LRPAP1: variants seen among roughly 807,000 people sequenced by gnomAD.
LRPAP1 encodes alpha-2-macroglobulin receptor-associated protein.
A neutral mutation model predicts 39.9 loss-of-function variants in LRPAP1; 41 were observed. The observed-to-expected ratio is 1.03, with a 90% CI of 0.80 to 1.33. The LOEUF is 1.33. Ranked by LOEUF, LRPAP1 falls within the 40% of genes most tolerant of loss-of-function variation. LRPAP1 has a pLI of 0.00. For synonymous variants in LRPAP1, 263 were observed against 212.7 expected (o/e 1.24, Z -2.06); for missense variants, 565 against 482.3 (o/e 1.17, Z -1.61).
rs182301878 is a variant in LRPAP1 at position 3,509,062 on chromosome 4, A to T, written c.*3912T>A. 24 of 152,386 alleles carry T rather than the reference A, an allele frequency of 1.6e-4. No homozygotes were observed. The East Asian group carries it at 3.3e-3, about 21-fold the overall frequency. 9.4% of individuals were successfully genotyped at this position (152,386 alleles called of 1,614,324 possible). On this transcript the variant is annotated 3_prime_UTR_variant, in exon 8 of 8. Coordinates refer to ENST00000650182, the MANE Select transcript of LRPAP1 (RefSeq NM_002337.4). ...ACCACGCACAGGTGACAAATGAAAT[A>T]AAAATACACAGTCCTCAATAGCATA...
At position 3,519,093 on chromosome 4, in the gene LRPAP1, CG is replaced by C. The variant is rs1729826329; in HGVS notation, c.472-103del. 11 of 1,526,938 alleles carry C rather than the reference CG, an allele frequency of 7.2e-6. 1 individual carries two copies. In the African/African-American group the frequency reaches 9.7e-5, roughly 13 times the overall value. The allele number at this position is 1,526,938 out of a possible 1,614,324, so 94.6% of individuals were successfully genotyped here. A position where few individuals can be genotyped will look rare whatever the true frequency, so the allele number is the denominator to read the frequency against. ...TCATGGCCAGGCAGGCCCTTGCCTA[CG>C]TGAGTGCCAGGCCAGGTTCTTGGCC... On this transcript the variant is annotated intron_variant, in intron 3 of 7. Transcript: ENST00000650182.
rs191480731 is a variant in LRPAP1 at position 3,516,493 on chromosome 4, C to T, written c.752-295G>A. On this transcript the variant is annotated intron_variant, in intron 5 of 7. Coordinates refer to ENST00000650182, the MANE Select transcript of LRPAP1 (RefSeq NM_002337.4). ...TCAGAGCCTGGGAAGCGCCACAGCCCGCCCTGGCTGCCTCTGAAGCAGGAG... is the reference window on the plus strand; with the variant it reads ...TCAGAGCCTGGGAAGCGCCACAGCCTGCCCTGGCTGCCTCTGAAGCAGGAG... Among the ~76,000 whole-genome samples the T allele has an allele frequency of 6.3e-4, 96 of 152,294 alleles. 5 individuals are homozygous for T. Among genetic ancestry groups the T allele is most frequent in the East Asian group, 4.8e-3 (25 of 5,188 alleles).
intron 6 of LRPAP1, 152 bp downstream of exon 6, chr4:3,515,964 A>T: frequency 1.1e-5 from 8 of 719,290 alleles, no homozygotes; most frequent in Non-Finnish European, 1.9e-5. Flanking sequence ...GAGAAGGAAA[A>T]CGCAAGCAGG....
intron 5 of LRPAP1, 25 bp downstream of exon 5, chr4:3,518,009 C>G: frequency 1.3e-6 from 2 of 1,572,444 alleles, no homozygotes; most frequent in Non-Finnish European, 1.7e-6. Context: ...CCCTCGGGAA[C>G]CAACAGTCCC....
At chr4:3,520,232 G>A in intron 2 of LRPAP1, 39 bp from the exon 3 acceptor site, 1 of 1,594,002 alleles carries the variant, frequency 6.3e-7, no homozygotes, top group Non-Finnish European at 8.6e-7. Context: ...ATGGTTTCCT[G>A]TGAAAAACAG....
intron 5 of LRPAP1, among the ~76,000 whole-genome samples, chr4:3,516,461 G>C (rs577668458): frequency 7.3e-6 from 1 of 137,008 alleles, no homozygotes; most frequent in East Asian, 2.6e-4. Flanking sequence ...AGAAACACCT[G>C]CCTCCATCAG....
In LRPAP1 at chr4:3,507,330, CATG is replaced by C. The variant is rs1729384755; in HGVS notation, c.*5641_*5643del. On this transcript the variant is annotated 3_prime_UTR_variant, in exon 8 of 8. Transcript: ENST00000650182. ...TGGCCAAGAGCAGACAAAAAGGTGT[CATG>C]CCTCTGGCACCAGGGAAGTGCAAGT... The C allele has an allele frequency of 6.6e-6, 1 of 152,234 alleles. No individual in the cohort carries two copies. Among genetic ancestry groups the C allele is most frequent in the Admixed American group, 6.5e-5 (1 of 15,278 alleles). The allele number at this position is 152,234 out of a possible 1,614,324, so 9.4% of individuals were successfully genotyped here. A position where few individuals can be genotyped will look rare whatever the true frequency, so the allele number is the denominator to read the frequency against.
At chr4:3,515,843 T>A in intron 6 of LRPAP1, 1 of 496,760 alleles carries the variant, frequency 2.0e-6, no homozygotes, top group Non-Finnish European at 3.6e-6. Context: ...CTGTTGACCA[T>A]CCACAGGACC....
chr4:3,513,163 C>T (rs940177143), intron 7 of LRPAP1, 127 bp from the exon 8 acceptor site: 5 of 662,778 alleles, frequency 7.5e-6, no homozygotes, highest in Non-Finnish European at 2.6e-6. Flanking sequence ...TCTGACTTTC[C>T]AATTCCACAC....
chr4:3,519,806 C>G (rs1004633536), intron 3 of LRPAP1, among the ~76,000 whole-genome samples: 1 of 152,260 alleles, frequency 6.6e-6, no homozygotes, highest in Admixed American at 6.5e-5. Flanking sequence ...CGTAACCACA[C>G]GTGACCTGAG....
Position 3,512,957 on chromosome 4 carries a change from T to A in LRPAP1, c.*17A>T. 1.2e-6 allele frequency: 2 copies of A among 1,606,222 alleles called. No individual in the cohort carries two copies. Among genetic ancestry groups the A allele is most frequent in the Non-Finnish European group, 1.7e-6 (2 of 1,176,846 alleles). On this transcript the variant is annotated 3_prime_UTR_variant, in exon 8 of 8. Coordinates refer to ENST00000650182, the MANE Select transcript of LRPAP1 (RefSeq NM_002337.4). ...CACGCTGGCCTCTTCCCTGCCGGGC[T>A]GGGCTCCCCAATGCCTTCAGAGTTC...
At chr4:3,514,558 G>A (rs1449287748) in intron 7 of LRPAP1, among the ~76,000 whole-genome samples, 194 bp downstream of exon 7, 3 of 152,220 alleles carry the variant, frequency 2.0e-5, no homozygotes, top group East Asian at 3.8e-4. Flanking sequence ...CTACAAGCCC[G>A]GGGGGCTCCC....
In LRPAP1 at chr4:3,508,196, G is replaced by A. The variant is rs1729405946; in HGVS notation, c.*4778C>T. On this transcript the variant is annotated 3_prime_UTR_variant, in exon 8 of 8. Coordinates refer to ENST00000650182, the MANE Select transcript of LRPAP1 (RefSeq NM_002337.4). ...AATTTTTATATTTTTAATGGAGACG[G>A]GGTTTCACCATGTTGACTAGGTTGG... The A allele has an allele frequency of 1.3e-5, 2 of 152,096 alleles. No individual in the cohort carries two copies. Among genetic ancestry groups the A allele is most frequent in the Admixed American group, 1.3e-4 (2 of 15,260 alleles). The allele number at this position is 152,096 out of a possible 1,614,324, so 9.4% of individuals were successfully genotyped here.
rs942796253 is a variant in LRPAP1 at position 3,505,974 on chromosome 4, G to A, written c.*7000C>T. Among the ~76,000 whole-genome samples, 8 of 152,048 alleles carry A rather than the reference G, an allele frequency of 5.3e-5. No individual in the cohort carries two copies. The highest frequency in any genetic ancestry group is 2.0e-4 in the Admixed American group (3 of 15,276). ...CCTTCATGTACTTCCAGCCCCGGAG[G>A]AGCTGAACCTAGAGATACCTGGAAA... is the stretch of plus-strand genomic sequence containing the variant. On this transcript the variant is annotated 3_prime_UTR_variant, in exon 8 of 8. Transcript: ENST00000650182.
At position 3,518,843 on chromosome 4, in the gene LRPAP1, G is replaced by A. The variant is rs1239676507; in HGVS notation, c.592+28C>T. The A allele has an allele frequency of 2.1e-6, 3 of 1,429,370 alleles. No homozygotes were observed. In the East Asian group the frequency reaches 8.2e-5, roughly 39 times the overall value. 88.5% of individuals were successfully genotyped at this position (1,429,370 alleles called of 1,614,324 possible). ...GGGGGCAGGAGGGGGTGGGGCAGAG[G>A]GCAGGAGGGGGTGGGGGCGGGGGGC... is the stretch of plus-strand genomic sequence containing the variant. On this transcript the variant is annotated intron_variant, in intron 4 of 7. Transcript: ENST00000650182.
intron 2 of LRPAP1, among the ~76,000 whole-genome samples, chr4:3,521,859 G>A (rs1331906315): frequency 6.6e-6 from 1 of 152,208 alleles, no homozygotes; most frequent in Non-Finnish European, 1.5e-5. Context: ...TTTTAGGCCG[G>A]GCGCGGTGGC....
At chr4:3,527,499 C>T (rs961703223) in intron 1 of LRPAP1, among the ~76,000 whole-genome samples, 2 of 152,238 alleles carry the variant, frequency 1.3e-5, no homozygotes, top group Non-Finnish European at 2.9e-5. Context: ...CTGCTTCCAT[C>T]TCTACTTCCC....
In LRPAP1 at chr4:3,512,259, G is replaced by A. The variant is rs967554168; in HGVS notation, c.*715C>T. ...GGGGCATTTACACAGCACACTTAGG[G>A]ACACGGAGGCCCTGCAGGTTTGGTG... is the stretch of plus-strand genomic sequence containing the variant. On this transcript the variant is annotated 3_prime_UTR_variant, in exon 8 of 8. Transcript: ENST00000650182. 6.6e-6 allele frequency: 1 copy of A among 152,432 alleles called. No individual in the cohort carries two copies. The highest frequency in any genetic ancestry group is 1.5e-5 in the Non-Finnish European group (1 of 68,188). The allele number at this position is 152,432 out of a possible 1,614,324, so 9.4% of individuals were successfully genotyped here.
intron 1 of LRPAP1, among the ~76,000 whole-genome samples, chr4:3,530,938 G>A (rs777029095): frequency 4.6e-5 from 7 of 152,040 alleles, no homozygotes; most frequent in Non-Finnish European, 1.0e-4. Context: ...TCATGGGGAG[G>A]GGGGACTCCA....
Sources: gnomAD v4.1 joint callset for allele counts (sites outside exome capture counted in the v4.1 genomes callset) on GRCh38, gnomAD v4.1.1 for gene constraint, MANE v1.5 for transcripts, NCBI Gene and HGNC (gene_info 2026-07-23, HGNC 2026-07-21) for gene names.